MAGI2: variants seen among roughly 807,000 people sequenced by gnomAD.
MAGI2 encodes the protein membrane associated guanylate kinase, WW and PDZ domain containing 2.
Under a neutral mutation model 133.3 loss-of-function variants are expected in MAGI2, and 35 were observed. The observed-to-expected ratio is 0.26, with a 90% CI of 0.20 to 0.35. The LOEUF is 0.35. MAGI2 is among the 10% of genes least tolerant of loss of function. The probability of loss-of-function intolerance (pLI) is 1.00; values close to 1 mark genes in which losing one functional copy is unlikely to be tolerated. For missense variants in MAGI2, 1,636 were observed against 1,863.4 expected (o/e 0.88, Z 2.25); for synonymous variants, 729 against 710.6 (o/e 1.03, Z -0.41).
intron 2 of MAGI2, among the ~76,000 whole-genome samples, chr7:78,866,473 T>A (rs1284602609): frequency 6.6e-6 from 1 of 152,058 alleles, no homozygotes; most frequent in Non-Finnish European, 1.5e-5. Context: ...CATGTGAAAT[T>A]AAGAAGACCA....
chr7:78,223,742 T>C (rs761621331), intron 10 of MAGI2, among the ~76,000 whole-genome samples: 2 of 152,162 alleles, frequency 1.3e-5, no homozygotes, highest in African/African-American at 4.8e-5. Context: ...CCCTTTTTTT[T>C]CACAATGAAA....
chr7:78,836,398 T>G (rs1251984360), intron 2 of MAGI2, among the ~76,000 whole-genome samples: 4 of 152,210 alleles, frequency 2.6e-5, no homozygotes, highest in Non-Finnish European at 5.9e-5. Flanking sequence ...ATATCAATAT[T>G]ATTTTTCACC....
rs945257624 is a variant in MAGI2, at chr7:78,274,259, C to T, written c.1409-17678G>A. On this transcript the variant is annotated intron_variant, in intron 9 of 21. Transcript: ENST00000354212. Reference sequence around the variant, plus strand: ...CCAGACCCTGTTTGCCTGGGTATCACCAGCAGATGCTGCAGAACAGCAAAG... The same window carrying T: ...CCAGACCCTGTTTGCCTGGGTATCATCAGCAGATGCTGCAGAACAGCAAAG... Among the ~76,000 whole-genome samples the T allele has an allele frequency of 1.2e-4, 18 of 152,304 alleles. No homozygotes were observed. The South Asian group carries it at 2.1e-3, about 18-fold the overall frequency.
chr7:78,091,150 T>C (rs1817168983), intron 20 of MAGI2, among the ~76,000 whole-genome samples: 2 of 151,930 alleles, frequency 1.3e-5, no homozygotes, highest in South Asian at 2.1e-4. Flanking sequence ...ATTAAGGAAG[T>C]GGTTGCTGAT....
chr7:78,557,097 A>AAAAAAAAAAAAAAAAG (rs1554473311), intron 3 of MAGI2, among the ~76,000 whole-genome samples: 16 of 138,958 alleles, frequency 1.2e-4, no homozygotes, highest in South Asian at 1.1e-3. Flanking sequence ...AAAAAAAAAA[A>AAAAAAAAAAAAAAAAG]AAAGAAAAAG....
chr7:78,245,669 C>T (rs1296336621), intron 10 of MAGI2, among the ~76,000 whole-genome samples: 5 of 152,060 alleles, frequency 3.3e-5, no homozygotes, highest in Non-Finnish European at 7.4e-5. Context: ...GGGACTTCTC[C>T]CTGTGAGGAA....
chr7:79,206,204 TA>T lies in MAGI2; in HGVS notation c.302-198999del, dbSNP rs543132226. On this transcript the variant is annotated intron_variant, in intron 1 of 21. Transcript: ENST00000354212. The stretch of plus-strand genomic sequence containing the variant: ...TAAAAACACACCAAGCCAAAGTTAG[TA>T]AAAAAAAAAATGAAATAATAAAAAT... 3.9e-3 allele frequency among the ~76,000 whole-genome samples: 547 copies of T among 140,724 alleles called. 6 individuals are homozygous for T. Among genetic ancestry groups the T allele is most frequent in the African/African-American group, 9.5e-3 (368 of 38,812 alleles). The allele number at this position is 140,724 out of a possible 152,430, so 92.3% of individuals were successfully genotyped here. A position where few individuals can be genotyped will look rare whatever the true frequency, so the allele number is the denominator to read the frequency against.
chr7:78,634,642 GTTAC>G (rs924471828), intron 2 of MAGI2, among the ~76,000 whole-genome samples: 6 of 152,262 alleles, frequency 3.9e-5, no homozygotes, highest in African/African-American at 1.4e-4. Flanking sequence ...TCTTGAAGTG[GTTAC>G]TTACTTTTAT....
rs574408417 is a variant in MAGI2, at chr7:78,292,292, GACAA to G, written c.1409-35715_1409-35712del. Among the ~76,000 whole-genome samples, 80 of 152,252 alleles carry G rather than the reference GACAA, an allele frequency of 5.3e-4. No individual in the cohort carries two copies. In the South Asian group the frequency reaches 9.2e-3, roughly 17 times the overall value. ...CAAGCATTCTTATACACCAATAACA[GACAA>G]ACAGAGAGTCAAATCATGAGTGAAC... On this transcript the variant is annotated intron_variant, in intron 9 of 21. Coordinates refer to ENST00000354212, the MANE Select transcript of MAGI2 (RefSeq NM_012301.4).
chr7:78,674,899 G>A (rs1235860638), intron 2 of MAGI2, among the ~76,000 whole-genome samples: 6 of 152,084 alleles, frequency 3.9e-5, no homozygotes, highest in Non-Finnish European at 4.4e-5. Flanking sequence ...AAAGTGATTT[G>A]GCATTCCTGA....
chr7:78,284,894 A>T (rs1172647906), intron 9 of MAGI2, among the ~76,000 whole-genome samples: 1 of 152,150 alleles, frequency 6.6e-6, no homozygotes, highest in African/African-American at 2.4e-5. Context: ...TTTGAATTTC[A>T]TTCCAGAAAT....
At chr7:78,522,405 G>A (rs987199399) in intron 3 of MAGI2, among the ~76,000 whole-genome samples, 3 of 152,172 alleles carry the variant, frequency 2.0e-5, no homozygotes, top group Admixed American at 1.3e-4. Flanking sequence ...TTGAGACAGA[G>A]TCTTGCTCTG....
At chr7:78,609,223 A>C (rs1455335900) in intron 3 of MAGI2, among the ~76,000 whole-genome samples, 1 of 152,220 alleles carries the variant, frequency 6.6e-6, no homozygotes, top group African/African-American at 2.4e-5. Flanking sequence ...AGATACACCC[A>C]GGATCAATGC....
chr7:78,714,915 T>C (rs995182681), intron 2 of MAGI2, among the ~76,000 whole-genome samples: 3 of 152,214 alleles, frequency 2.0e-5, no homozygotes, highest in Non-Finnish European at 4.4e-5. Flanking sequence ...TCAGCTTTTT[T>C]ATTTCTAAGG....
intron 6 of MAGI2, among the ~76,000 whole-genome samples, chr7:78,448,930 G>A (rs751296760): frequency 2.0e-5 from 3 of 151,966 alleles, no homozygotes; most frequent in Admixed American, 6.6e-5. Flanking sequence ...CTCGTAGAGC[G>A]AAATCTTTTA....
chr7:78,355,664 T>C (rs1330945224), intron 7 of MAGI2, among the ~76,000 whole-genome samples: 1 of 152,208 alleles, frequency 6.6e-6, no homozygotes, highest in African/African-American at 2.4e-5. Context: ...GCTTCAAATA[T>C]ACACTTAGCT....
At chr7:78,890,982 A>G (rs1200457453) in intron 2 of MAGI2, among the ~76,000 whole-genome samples, 1 of 152,164 alleles carries the variant, frequency 6.6e-6, no homozygotes, top group Non-Finnish European at 1.5e-5. Context: ...GACTGCTAGC[A>G]AGAATAATAA....
At chr7:78,741,126 T>TATAA in intron 2 of MAGI2, among the ~76,000 whole-genome samples, 2 of 152,214 alleles carry the variant, frequency 1.3e-5, no homozygotes, top group African/African-American at 4.8e-5. Context: ...AAACAGCAAT[T>TATAA]ATAACATTGA....
In MAGI2 at chr7:78,713,063, AT is replaced by A. The variant is rs149316390; in HGVS notation, c.419-85825del. 4.3e-3 allele frequency among the ~76,000 whole-genome samples: 657 copies of A among 152,116 alleles called. 6 individuals carry two copies. Among genetic ancestry groups the A allele is most frequent in the African/African-American group, 0.015 (634 of 41,502 alleles). ...GAAATGAAAACCAAAATTACTTAATATTTTTTCCCCAAAAAATATGCTTTTG... is the reference window on the plus strand; with the variant it reads ...GAAATGAAAACCAAAATTACTTAATATTTTTCCCCAAAAAATATGCTTTTG... On this transcript the variant is annotated intron_variant, in intron 2 of 21. Transcript: ENST00000354212.
Sources: allele counts gnomAD v4.1 joint callset (sites outside exome capture counted in the v4.1 genomes callset), GRCh38; gene constraint gnomAD v4.1.1; transcripts MANE v1.5; gene names NCBI Gene and HGNC (gene_info 2026-07-23, HGNC 2026-07-21).